NRF1: variants seen among roughly 807,000 people sequenced by gnomAD.
NRF1 encodes the protein alpha palindromic-binding protein.
A neutral mutation model predicts 58.5 loss-of-function variants in NRF1; 5 were observed. That is an observed-to-expected ratio of 0.09 (90% CI 0.04 to 0.18). The LOEUF (loss-of-function observed/expected upper bound fraction) is 0.18, where lower values mean the gene tolerates loss of function less well. NRF1 is among the 10% of genes least tolerant of loss of function. NRF1 has a pLI of 1.00. For missense variants in NRF1, 288 were observed against 657.7 expected (o/e 0.44, Z 6.15); for synonymous variants, 224 against 246.7 (o/e 0.91, Z 0.86).
At chr7:129,677,563 T>C in intron 3 of NRF1, 69 bp from the exon 4 acceptor site, 2 of 1,437,352 alleles carry the variant, frequency 1.4e-6, no homozygotes, top group Non-Finnish European at 1.9e-6. Flanking sequence ...TCTTACCTCA[T>C]TTGTGTCTAT....
intron 10 of NRF1, among the ~76,000 whole-genome samples, chr7:129,730,667 T>C (rs71583713): frequency 0.13 from 19,471 of 151,724 alleles, 1,603 homozygotes; most frequent in Admixed American, 0.23. Flanking sequence ...GGGATGGTGT[T>C]TTTCAAGTTA....
In NRF1 at chr7:129,657,496, G is replaced by A; in HGVS notation, c.145G>A (p.Glu49Lys). 3 of 1,614,028 alleles carry A rather than the reference G, an allele frequency of 1.9e-6. No homozygotes were observed. The highest frequency in any genetic ancestry group is 2.2e-5 in the East Asian group (1 of 44,882). ...SADEDSPSSP[E>K]DTSYDDSDIL... is the part of the protein sequence containing the mutation. ...TGATGAAGACTCGCCTTCTTCTCCC[G>A]AGGACACCTCTTACGATGACTCAGA... is the stretch of plus-strand genomic sequence containing the variant. Residue 49 changes from glutamate (E) to lysine (K), a missense_variant, in exon 2 of 11, where the codon GAG becomes AAG. This residue lies in a region of NRF1 where 48 missense variants were observed against 65.5 expected (regional missense o/e 0.73). Transcript: ENST00000393232.
intron 10 of NRF1, among the ~76,000 whole-genome samples, chr7:129,753,096 T>TA (rs1390877795): frequency 2.6e-5 from 4 of 152,104 alleles, no homozygotes; most frequent in African/African-American, 9.7e-5. Flanking sequence ...AGAAAAAAGT[T>TA]ACATACAATT....
rs964686760 is a variant in NRF1, at chr7:129,676,977, A to G, written c.339-655A>G. ...TTTTATTAAGCATGGAGATGATATA[A>G]TAAATTCTGTAAGAGCACATCTTGG... On this transcript the variant is annotated intron_variant, in intron 3 of 10. Transcript: ENST00000393232. Among the ~76,000 whole-genome samples, 5 of 151,782 alleles carry G rather than the reference A, an allele frequency of 3.3e-5. No homozygotes were observed. In the East Asian group the frequency reaches 9.7e-4, roughly 29 times the overall value.
intron 1 of NRF1, among the ~76,000 whole-genome samples, chr7:129,652,346 G>A (rs1801555852): frequency 2.0e-5 from 3 of 152,070 alleles, no homozygotes; most frequent in Admixed American, 2.0e-4. Context: ...ATGTTCATGT[G>A]GGTTTGTATT....
At chr7:129,728,545 G>C (rs1275572476) in intron 10 of NRF1, among the ~76,000 whole-genome samples, 1 of 150,212 alleles carries the variant, frequency 6.7e-6, no homozygotes, top group Non-Finnish European at 1.5e-5. Context: ...CATGTAGGCA[G>C]AAGGTTCCTT....
intron 4 of NRF1, among the ~76,000 whole-genome samples, chr7:129,683,391 C>T (rs967590604): frequency 6.6e-6 from 1 of 151,122 alleles, no homozygotes; most frequent in African/African-American, 2.4e-5. Flanking sequence ...TGCAATGGTG[C>T]GATCTCAGCT....
chr7:129,690,483 T>C lies in NRF1; in HGVS notation c.543T>C (p.Val181=). ...AACACGCCCCTGCGCCACAGGAGGT[T>C]AACTCAGAACTGCCGCCTCTCACCA... ...LAEHAPAPQE[V]NSELPPLTID... Residue 181 remains valine, a synonymous_variant, in exon 5 of 11, where the codon GTT becomes GTC. Transcript: ENST00000393232. 1.9e-6 allele frequency: 3 copies of C among 1,614,164 alleles called. No homozygotes were observed. Among genetic ancestry groups the C allele is most frequent in the Non-Finnish European group, 1.7e-6 (2 of 1,180,026 alleles).
intron 9 of NRF1, among the ~76,000 whole-genome samples, chr7:129,722,149 CT>C (rs1803341835): frequency 6.6e-6 from 1 of 152,014 alleles, no homozygotes; most frequent in African/African-American, 2.4e-5. Flanking sequence ...AATCCCAGCA[CT>C]TTGGGAAGCC....
chr7:129,626,861 G>A (rs979423749), intron 1 of NRF1, among the ~76,000 whole-genome samples: 4 of 152,222 alleles, frequency 2.6e-5, no homozygotes, highest in Admixed American at 6.5e-5. Flanking sequence ...AGTGTGAGAT[G>A]TGTATCCATT....
At chr7:129,722,160 C>T (rs953169835) in intron 9 of NRF1, among the ~76,000 whole-genome samples, 4 of 151,854 alleles carry the variant, frequency 2.6e-5, no homozygotes, top group Non-Finnish European at 5.9e-5. Flanking sequence ...TTTGGGAAGC[C>T]GAGGTGGGTG....
intron 3 of NRF1, among the ~76,000 whole-genome samples, chr7:129,674,073 G>A (rs1450196119): frequency 1.3e-5 from 2 of 151,942 alleles, no homozygotes; most frequent in East Asian, 1.9e-4. Context: ...CCCAGGAGGC[G>A]GAGGCTGCAG....
chr7:129,710,769 C>G (rs959445281), intron 7 of NRF1, among the ~76,000 whole-genome samples, 198 bp downstream of exon 7: 1 of 152,024 alleles, frequency 6.6e-6, no homozygotes, highest in African/African-American at 2.4e-5. Context: ...CTATGAGTAG[C>G]TTCCTGGACA....
chr7:129,695,536 A>T (rs1764605381), intron 5 of NRF1, among the ~76,000 whole-genome samples: 1 of 150,858 alleles, frequency 6.6e-6, no homozygotes. Flanking sequence ...AGATCATGCC[A>T]CTGCACTCCA....
intron 1 of NRF1, among the ~76,000 whole-genome samples, chr7:129,644,223 T>TAACC (rs1373732162): frequency 1.3e-5 from 2 of 152,242 alleles, no homozygotes; most frequent in Non-Finnish European, 2.9e-5. Context: ...TAAGCTCTTA[T>TAACC]AACCCAGGGG....
chr7:129,646,958 C>T (rs1335070717), intron 1 of NRF1, among the ~76,000 whole-genome samples: 1 of 152,206 alleles, frequency 6.6e-6, no homozygotes, highest in Non-Finnish European at 1.5e-5. Flanking sequence ...AATCATTTAT[C>T]AAAGAGCACA....
At chr7:129,727,398 T>A in intron 10 of NRF1, 33 bp downstream of exon 10, 1 of 1,562,424 alleles carries the variant, frequency 6.4e-7, no homozygotes, top group Non-Finnish European at 8.6e-7. Context: ...TTAAATTTCT[T>A]CCCTGTTTCC....
chr7:129,752,198 G>C (rs1326249554), intron 10 of NRF1, among the ~76,000 whole-genome samples: 1 of 152,224 alleles, frequency 6.6e-6, no homozygotes, highest in East Asian at 1.9e-4. Flanking sequence ...TGTGAATCCA[G>C]AGGAGGCTGC....
intron 4 of NRF1, among the ~76,000 whole-genome samples, chr7:129,678,739 G>T (rs940027595): frequency 1.3e-5 from 2 of 152,004 alleles, no homozygotes; most frequent in African/African-American, 4.8e-5. Context: ...CTCTTCTTTA[G>T]TACTGAAAAT....
Sources: gnomAD v4.1 joint callset for allele counts (sites outside exome capture counted in the v4.1 genomes callset) on GRCh38, gnomAD v4.1.1 for gene constraint, gnomAD v4.1.1 regional missense constraint, MANE v1.5 for transcripts, NCBI Gene and HGNC (gene_info 2026-07-23, HGNC 2026-07-21) for gene names.